ZNF469: variants seen among roughly 807,000 people sequenced by gnomAD.
ZNF469 encodes the protein zinc finger protein 469.
Under a neutral mutation model 1.0 loss-of-function variants are expected in ZNF469, and 1 was observed. The ratio of observed to expected loss-of-function variants is 1.00; its 90% CI spans 0.35 to 4.73. The LOEUF (loss-of-function observed/expected upper bound fraction) is 4.73, where lower values mean the gene tolerates loss of function less well. Among genes scored for constraint, ZNF469 ranks in the 30% most tolerant of loss-of-function variants. The pLI, the probability that ZNF469 is intolerant of heterozygous loss-of-function variation, is 0.16. For synonymous variants in ZNF469, 2,703 were observed against 2,363.4 expected, an observed-to-expected ratio of 1.14 and a Z score of -4.17; for missense variants, 6,100 against 5,356.3, an observed-to-expected ratio of 1.14 and a Z score of -4.33.
the ZNF469 span, among the ~76,000 whole-genome samples, chr16:88,135,635 C>T: frequency 6.6e-5 from 10 of 152,248 alleles, no homozygotes; most frequent in East Asian, 5.8e-4. Flanking sequence ...CACCCACACC[C>T]GGGGCCCCTC....
rs78600508 is a variant in ZNF469, at chr16:88,439,378, C to T, written c.*46C>T. The stretch of plus-strand genomic sequence containing the variant: ...GGACCGGAGCTGGGCGTTCCTGTCT[C>T]GGCCTGCCTCCTTGGCCAGCTCCGG... On this transcript the variant is annotated 3_prime_UTR_variant, in exon 3 of 3. Transcript: ENST00000565624. 3.9e-5 allele frequency: 61 copies of T among 1,546,986 alleles called. 4 individuals carry two copies. In the South Asian group the frequency reaches 6.1e-4, roughly 15 times the overall value.
the ZNF469 span, among the ~76,000 whole-genome samples, chr16:88,247,121 GAGTGAATGAGTGGATGAGTGAGTT>G: frequency 1.3e-5 from 2 of 152,130 alleles, no homozygotes; most frequent in African/African-American, 4.8e-5. Flanking sequence ...TTGAATGAGT[GAGTGAATGAGTGGATGAGTGAGTT>G]AGTGAATGAG....
At chr16:88,278,598 C>T in the ZNF469 span, among the ~76,000 whole-genome samples, 3 of 132,682 alleles carry the variant, frequency 2.3e-5, 1 homozygote, top group Admixed American at 1.6e-4. Context: ...TGCTGTGCCA[C>T]GCTGACACTC....
At chr16:88,247,237 AATG>A in the ZNF469 span, among the ~76,000 whole-genome samples, 2 of 70,936 alleles carry the variant, frequency 2.8e-5, no homozygotes, top group Non-Finnish European at 5.1e-5. Context: ...TGAGGGAGTG[AATG>A]GTGAATGAGT....
the ZNF469 span, among the ~76,000 whole-genome samples, chr16:88,365,591 G>A: frequency 2.4e-4 from 37 of 152,360 alleles, no homozygotes; most frequent in East Asian, 6.6e-3. Flanking sequence ...CTGTGCCTGG[G>A]CTTTCCAGTT....
chr16:88,347,981 G>T, the ZNF469 span, among the ~76,000 whole-genome samples: 1 of 152,238 alleles, frequency 6.6e-6, no homozygotes, highest in African/African-American at 2.4e-5. Context: ...CAGGAGCCCA[G>T]AGGCCCAAAC....
the ZNF469 span, among the ~76,000 whole-genome samples, chr16:88,227,623 T>G: frequency 6.8e-6 from 1 of 146,022 alleles, no homozygotes; most frequent in Non-Finnish European, 1.5e-5. Context: ...CATCTCCCTG[T>G]GTCCCCGTCT....
chr16:88,354,305 C>G, the ZNF469 span, among the ~76,000 whole-genome samples: 1 of 152,194 alleles, frequency 6.6e-6, no homozygotes, highest in Non-Finnish European at 1.5e-5. Context: ...CGGCTGCCTG[C>G]CAGCCCAGTG....
At chr16:88,188,492 T>C in the ZNF469 span, among the ~76,000 whole-genome samples, 1 of 152,284 alleles carries the variant, frequency 6.6e-6, no homozygotes, top group African/African-American at 2.4e-5. Context: ...AAGGGCGAAG[T>C]GCAGCTCCTG....
the ZNF469 span, among the ~76,000 whole-genome samples, chr16:88,240,772 T>C: frequency 6.6e-6 from 1 of 152,068 alleles, no homozygotes; most frequent in Non-Finnish European, 1.5e-5. Flanking sequence ...AACCGCGAGT[T>C]GGTTTGAAGG....
chr16:88,145,149 A>G, the ZNF469 span, among the ~76,000 whole-genome samples: 3 of 149,326 alleles, frequency 2.0e-5, no homozygotes, highest in Non-Finnish European at 4.4e-5. Flanking sequence ...ATTGTTGCCT[A>G]TTTAACGATT....
chr16:88,193,093 ATGGTGT>A, the ZNF469 span, among the ~76,000 whole-genome samples: 4 of 52,846 alleles, frequency 7.6e-5, no homozygotes, highest in East Asian at 1.4e-3. Context: ...GGTGGTGGTG[ATGGTGT>A]TGATGGTGGT....
the ZNF469 span, among the ~76,000 whole-genome samples, chr16:88,149,994 C>T: frequency 1.3e-5 from 2 of 152,200 alleles, no homozygotes; most frequent in Non-Finnish European, 1.5e-5. Context: ...CACAGCCCCC[C>T]AGCACATCAC....
chr16:88,341,833 G>A, the ZNF469 span, among the ~76,000 whole-genome samples: 1 of 152,144 alleles, frequency 6.6e-6, no homozygotes, highest in East Asian at 1.9e-4. Flanking sequence ...GGATGAGCCT[G>A]AAGGACTTGG....
the ZNF469 span, among the ~76,000 whole-genome samples, chr16:88,120,739 C>A: frequency 6.6e-5 from 10 of 152,176 alleles, no homozygotes; most frequent in Non-Finnish European, 1.0e-4. Context: ...GCCTGAGCCC[C>A]GGGAACACTG....
At chr16:88,361,790 G>T in the ZNF469 span, among the ~76,000 whole-genome samples, 2 of 151,898 alleles carry the variant, frequency 1.3e-5, no homozygotes, top group Non-Finnish European at 2.9e-5. Flanking sequence ...TCCCTAAGCT[G>T]TGAAGATATT....
chr16:88,414,243 C>T (rs1905248483), intron 1 of ZNF469, among the ~76,000 whole-genome samples: 1 of 152,230 alleles, frequency 6.6e-6, no homozygotes, highest in African/African-American at 2.4e-5. Context: ...AGGCCACGGG[C>T]CTCCAGGTCG....
the ZNF469 span, among the ~76,000 whole-genome samples, chr16:88,184,182 C>T: frequency 1.1e-3 from 168 of 152,184 alleles, no homozygotes; most frequent in African/African-American, 3.8e-3. Flanking sequence ...GTGGCTGGGA[C>T]TGATTCTAGA....
the ZNF469 span, among the ~76,000 whole-genome samples, chr16:88,205,127 G>T: frequency 6.6e-6 from 1 of 152,214 alleles, no homozygotes; most frequent in East Asian, 1.9e-4. This position sits in a 1 kb window ranked among gnomAD's most constrained non-coding sequence, Gnocchi z 4.2. Context: ...TTTCACTGCA[G>T]ATGTTACTGG....
Sources: gnomAD v4.1 joint callset for allele counts (sites outside exome capture counted in the v4.1 genomes callset) on GRCh38, gnomAD v4.1.1 for gene constraint, Gnocchi (gnomAD v3.1) non-coding constraint, MANE v1.5 for transcripts, NCBI Gene and HGNC (gene_info 2026-07-23, HGNC 2026-07-21) for gene names.